CACNA1S: variants seen among roughly 807,000 people sequenced by gnomAD.
The protein encoded by CACNA1S is calcium voltage-gated channel subunit alpha1 S.
Under a neutral mutation model 207.4 loss-of-function variants are expected in CACNA1S, and 126 were observed. That is an observed-to-expected ratio of 0.61 (90% CI 0.53 to 0.70). The LOEUF is 0.70. Ranked by LOEUF, CACNA1S falls within the 30% of genes least tolerant of loss-of-function variation. The probability of loss-of-function intolerance (pLI) is 0.00; values close to 1 mark genes in which losing one functional copy is unlikely to be tolerated. For synonymous variants in CACNA1S, 960 were observed against 932.7 expected (o/e 1.03, Z -0.53); for missense variants, 2,349 against 2,422.8 (o/e 0.97, Z 0.64).
rs774905373 is a variant in CACNA1S at position 201,053,594 on chromosome 1, G to T, written c.3667-7C>A. The T allele has an allele frequency of 6.2e-7, 1 of 1,613,668 alleles. No individual in the cohort carries two copies. The highest frequency in any genetic ancestry group is 1.1e-5 in the South Asian group (1 of 91,058). The stretch of plus-strand genomic sequence containing the variant: ...GGGCACTCTCATCTGGGTCCTGCGG[G>T]GCAGCAGCCCCAGAGGTCAGTCTGG... On this transcript the variant is annotated splice_region_variant and splice_polypyrimidine_tract_variant and intron_variant, in intron 29 of 43. Coordinates refer to ENST00000362061, the MANE Select transcript of CACNA1S (RefSeq NM_000069.3). This position sits in a 1 kb window ranked among gnomAD's most constrained non-coding sequence, Gnocchi z 5.1.
intron 2 of CACNA1S, among the ~76,000 whole-genome samples, chr1:201,100,576 C>T (rs1263386424): frequency 6.6e-6 from 1 of 152,208 alleles, no homozygotes; most frequent in Non-Finnish European, 1.5e-5. Context: ...CCCTCTTCCC[C>T]TCCCTGTACA....
chr1:201,090,219 G>T (rs1420193630), intron 5 of CACNA1S, among the ~76,000 whole-genome samples: 3 of 152,198 alleles, frequency 2.0e-5, no homozygotes, highest in Admixed American at 1.3e-4. Flanking sequence ...ACCCCATGAA[G>T]TCAGAAGCCC....
intron 40 of CACNA1S, among the ~76,000 whole-genome samples, chr1:201,042,587 G>C (rs1370257927): frequency 2.6e-5 from 4 of 152,208 alleles, no homozygotes; most frequent in African/African-American, 7.2e-5. Flanking sequence ...ACCCTTCAAG[G>C]CTTGTGGGCT....
intron 16 of CACNA1S, among the ~76,000 whole-genome samples, chr1:201,070,806 G>T (rs1172772492): frequency 1.3e-5 from 2 of 152,114 alleles, no homozygotes; most frequent in Non-Finnish European, 2.9e-5. Flanking sequence ...TGCAGTGCTG[G>T]GAAGGTCTGT....
At chr1:201,094,069 C>A in intron 2 of CACNA1S, 48 bp from the exon 3 acceptor site, 1 of 1,612,082 alleles carries the variant, frequency 6.2e-7, no homozygotes, top group Non-Finnish European at 8.5e-7. Flanking sequence ...TCTCTGAGTG[C>A]ACCCTTGCTC....
Position 201,066,795 on chromosome 1 carries a change from G to C in CACNA1S, c.2657+92C>G. 1 of 926,854 alleles carries C rather than the reference G, an allele frequency of 1.1e-6. No homozygotes were observed. The highest frequency in any genetic ancestry group is 1.7e-6 in the Non-Finnish European group (1 of 578,948). The allele number at this position is 926,854 out of a possible 1,614,324, so 57.4% of individuals were successfully genotyped here. A position where few individuals can be genotyped will look rare whatever the true frequency, so the allele number is the denominator to read the frequency against. On this transcript the variant is annotated intron_variant, in intron 20 of 43. Coordinates refer to ENST00000362061, the MANE Select transcript of CACNA1S (RefSeq NM_000069.3). The surrounding 1 kb of genome is among the most constrained non-coding windows in gnomAD (Gnocchi z 4.3). Reference sequence around the variant, plus strand: ...CGAGAGACCCTCCTCTTGTGGCAGGGGCCCACCAACATGGGTGGGACTCCC... The same window carrying C: ...CGAGAGACCCTCCTCTTGTGGCAGGCGCCCACCAACATGGGTGGGACTCCC...
At chr1:201,096,344 T>C (rs537892692) in intron 2 of CACNA1S, among the ~76,000 whole-genome samples, 5 of 152,344 alleles carry the variant, frequency 3.3e-5, no homozygotes, top group African/African-American at 1.2e-4. Context: ...GGAAAAGGGA[T>C]GTGTCCCCTC....
In CACNA1S at chr1:201,073,542, T is replaced by C; in HGVS notation, c.2157+7A>G. On this transcript the variant is annotated splice_region_variant and intron_variant, in intron 15 of 43. Coordinates refer to ENST00000362061, the MANE Select transcript of CACNA1S (RefSeq NM_000069.3). Reference sequence around the variant, plus strand: ...CTGCCTCTAACATCCCCACCTGAGGTGCTCACCTTGGCAGTGGTGGGGATG... The same window carrying C: ...CTGCCTCTAACATCCCCACCTGAGGCGCTCACCTTGGCAGTGGTGGGGATG... 1 of 1,609,132 alleles carries C rather than the reference T, an allele frequency of 6.2e-7. No individual in the cohort carries two copies. The highest frequency in any genetic ancestry group is 1.1e-5 in the South Asian group (1 of 90,988).
At chr1:201,047,078 G>T (rs761575848) in intron 38 of CACNA1S, 37 bp downstream of exon 38, 19 of 1,613,624 alleles carry the variant, frequency 1.2e-5, no homozygotes, top group African/African-American at 4.0e-5. Context: ...CTGGCTCAGT[G>T]GGGGAGCCCC....
chr1:201,057,779 C>T (rs989228457), intron 28 of CACNA1S, among the ~76,000 whole-genome samples: 8 of 151,500 alleles, frequency 5.3e-5, no homozygotes, highest in South Asian at 2.1e-4. Flanking sequence ...CTGGGCAACA[C>T]GAGGAGACTC....
intron 43 of CACNA1S, 36 bp from the exon 44 acceptor site, chr1:201,040,118 T>C: frequency 6.2e-7 from 1 of 1,612,854 alleles, no homozygotes; most frequent in Non-Finnish European, 8.5e-7. Flanking sequence ...GGGGTCTTCC[T>C]GGGGAGCCAC....
chr1:201,085,073 C>T (rs754879630), intron 8 of CACNA1S, 42 bp from the exon 9 acceptor site: 31 of 1,465,780 alleles, frequency 2.1e-5, no homozygotes, highest in Non-Finnish European at 2.7e-5. Flanking sequence ...TTCGGGGCCC[C>T]TCTGGGCTGG....
At chr1:201,049,856 G>T (rs950944723) in intron 34 of CACNA1S, among the ~76,000 whole-genome samples, 1 of 152,132 alleles carries the variant, frequency 6.6e-6, no homozygotes, top group Non-Finnish European at 1.5e-5. Context: ...ATGGACTGGG[G>T]CAACTTACTT....
rs777154330 is a variant in CACNA1S at position 201,075,641 on chromosome 1, C to G, written c.1828-26G>C. On this transcript the variant is annotated intron_variant, in intron 12 of 43. Coordinates refer to ENST00000362061, the MANE Select transcript of CACNA1S (RefSeq NM_000069.3). ...CTGTATGGAGGGAGGATAGAGGGCT[C>G]GGGAACACAGAGGGGCCTGAGAGTC... is the stretch of plus-strand genomic sequence containing the variant. 1.9e-6 allele frequency: 3 copies of G among 1,612,954 alleles called. No individual in the cohort carries two copies. The African/African-American group carries it at 4.0e-5, about 22-fold the overall frequency.
At chr1:201,110,304 G>T (rs747547998) in intron 1 of CACNA1S, 35 bp from the exon 2 acceptor site, 2 of 1,580,210 alleles carry the variant, frequency 1.3e-6, no homozygotes, top group South Asian at 1.1e-5. Context: ...CTCGAGTGAG[G>T]CAAGGGACTT....
intron 38 of CACNA1S, among the ~76,000 whole-genome samples, chr1:201,046,680 C>A (rs1323848332): frequency 6.6e-6 from 1 of 151,874 alleles, no homozygotes; most frequent in Admixed American, 6.6e-5. Flanking sequence ...TAGCTGGGCA[C>A]ATGCCGCCAC....
chr1:201,041,238 C>T (rs1445212021), intron 41 of CACNA1S, among the ~76,000 whole-genome samples: 1 of 152,104 alleles, frequency 6.6e-6, no homozygotes, highest in East Asian at 1.9e-4. Flanking sequence ...GTGTGAGTTT[C>T]CTGGGAGGCC....
At chr1:201,082,456 C>T (rs940328158) in intron 10 of CACNA1S, among the ~76,000 whole-genome samples, 6 of 152,176 alleles carry the variant, frequency 3.9e-5, no homozygotes, top group African/African-American at 1.2e-4. Flanking sequence ...AACTGTTTAA[C>T]GTCTTCATAT....
chr1:201,075,454 C>CCCCCCCAACCCTTT, intron 13 of CACNA1S, 41 bp downstream of exon 13: 1 of 1,594,312 alleles, frequency 6.3e-7, no homozygotes, highest in Non-Finnish European at 8.6e-7. Context: ...CCCCCACCCC[C>CCCCCCCAACCCTTT]TCCCTAAGCT....
Sources: gnomAD v4.1 joint callset for allele counts (sites outside exome capture counted in the v4.1 genomes callset) on GRCh38, gnomAD v4.1.1 for gene constraint, Gnocchi (gnomAD v3.1) non-coding constraint, MANE v1.5 for transcripts, NCBI Gene and HGNC (gene_info 2026-07-23, HGNC 2026-07-21) for gene names.